RBFOX1: variants seen among roughly 807,000 people sequenced by gnomAD.
RBFOX1 encodes RNA binding protein fox-1 homolog 1.
Under a neutral mutation model 57.7 loss-of-function variants are expected in RBFOX1, and 8 were observed. The ratio of observed to expected loss-of-function variants is 0.14; its 90% confidence interval spans 0.08 to 0.25. RBFOX1 has a LOEUF of 0.25. RBFOX1 is among the 10% of genes least tolerant of loss of function. The pLI, the probability that RBFOX1 is intolerant of heterozygous loss-of-function variation, is 1.00. For synonymous variants in RBFOX1, 326 were observed against 222.4 expected (o/e 1.47, Z -4.15); for missense variants, 611 against 548.5 (o/e 1.11, Z -1.14).
chr16:5,359,586 T>A (rs2065486339), intron 1 of RBFOX1, among the ~76,000 whole-genome samples: 1 of 152,256 alleles, frequency 6.6e-6, no homozygotes. Context: ...TCTTTTCATA[T>A]GCCTGTTTGT....
chr16:7,510,511 G>GTGT (rs1567589181), intron 4 of RBFOX1, among the ~76,000 whole-genome samples: 43 of 150,018 alleles, frequency 2.9e-4, no homozygotes, highest in African/African-American at 7.2e-4. Flanking sequence ...GTGTGTGTGT[G>GTGT]GGCGCGCGCG....
At chr16:6,703,782 T>G (rs1177329756) in intron 3 of RBFOX1, 4 of 152,244 alleles carry the variant, frequency 2.6e-5, no homozygotes, top group Non-Finnish European at 5.9e-5. Context: ...AATCCACATC[T>G]GTCCAACCCA....
chr16:5,680,227 G>A (rs2050290200), intron 3 of RBFOX1, among the ~76,000 whole-genome samples: 1 of 152,168 alleles, frequency 6.6e-6, no homozygotes, highest in African/African-American at 2.4e-5. Context: ...TTCACGATTT[G>A]GGTGCAGTGT....
chr16:5,988,587 T>C (rs2152316959), intron 4 of RBFOX1, among the ~76,000 whole-genome samples: 1 of 152,218 alleles, frequency 6.6e-6, no homozygotes, highest in East Asian at 1.9e-4. Context: ...GGCATGAGCC[T>C]CCACTGGGAC....
At chr16:7,357,129 G>C (rs1276602084) in intron 4 of RBFOX1, among the ~76,000 whole-genome samples, 2 of 151,998 alleles carry the variant, frequency 1.3e-5, no homozygotes, top group African/African-American at 4.8e-5. Context: ...AAGAAACTGT[G>C]TGCTCGAGGT....
intron 4 of RBFOX1, among the ~76,000 whole-genome samples, chr16:7,273,205 C>CCTTA (rs2095368138): frequency 2.8e-5 from 1 of 35,606 alleles, no homozygotes; most frequent in African/African-American, 8.1e-5. Context: ...TTCCTCCCTC[C>CCTTA]CTTCCTTCCT....
chr16:7,071,205 T>G, intron 4 of RBFOX1, among the ~76,000 whole-genome samples: 1 of 152,164 alleles, frequency 6.6e-6, no homozygotes, highest in East Asian at 1.9e-4. Flanking sequence ...AGGAATTAGA[T>G]TATTCTAAAA....
At chr16:7,693,840 T>C (rs550362935) in intron 14 of RBFOX1, among the ~76,000 whole-genome samples, 1 of 152,184 alleles carries the variant, frequency 6.6e-6, no homozygotes, top group Non-Finnish European at 1.5e-5. Flanking sequence ...GAGAATATAA[T>C]TATCTCTGTC....
At position 7,491,057 on chromosome 16, in the gene RBFOX1, C is replaced by G. The variant is rs185857545; in HGVS notation, c.28-27090C>G. Among the ~76,000 whole-genome samples, 8 of 152,230 alleles carry G rather than the reference C, an allele frequency of 5.3e-5. No homozygotes were observed. In the East Asian group the frequency reaches 1.6e-3, roughly 30 times the overall value. ...TCAACTCCAGATTCTAAAGAGACAA[C>G]CAAATGGCTCACACTTCTTACCGTA... On this transcript the variant is annotated intron_variant, in intron 4 of 15. Coordinates refer to ENST00000550418, the MANE Select transcript of RBFOX1 (RefSeq NM_018723.4).
intron 4 of RBFOX1, among the ~76,000 whole-genome samples, chr16:7,156,316 A>G (rs1396016268): frequency 2.6e-5 from 4 of 152,068 alleles, no homozygotes; most frequent in Admixed American, 6.6e-5. Flanking sequence ...TTATACATAT[A>G]TAGACTTGCA....
At chr16:6,397,349 T>G (rs1332228386) in intron 2 of RBFOX1, among the ~76,000 whole-genome samples, 2 of 152,198 alleles carry the variant, frequency 1.3e-5, no homozygotes, top group Non-Finnish European at 2.9e-5. Context: ...GATGGTCAGC[T>G]TCTCATCAGA....
intron 3 of RBFOX1, among the ~76,000 whole-genome samples, chr16:5,830,483 G>T (rs2056226746): frequency 6.6e-6 from 1 of 152,092 alleles, no homozygotes; most frequent in African/African-American, 2.4e-5. Flanking sequence ...TAGAGGCCGG[G>T]ACTGTGGGGG....
intron 4 of RBFOX1, among the ~76,000 whole-genome samples, chr16:7,062,355 A>T (rs1840584048): frequency 6.6e-6 from 1 of 151,582 alleles, no homozygotes; most frequent in Non-Finnish European, 1.5e-5. Context: ...AAAAAAGGAA[A>T]AATGGTAATG....
chr16:5,365,395 C>G (rs1371227152), intron 1 of RBFOX1, among the ~76,000 whole-genome samples: 1 of 152,196 alleles, frequency 6.6e-6, no homozygotes, highest in African/African-American at 2.4e-5. Flanking sequence ...CGGCTAGGCA[C>G]AGTGTCTCAC....
chr16:6,727,944 C>G (rs374707329), intron 3 of RBFOX1, among the ~76,000 whole-genome samples: 1 of 152,136 alleles, frequency 6.6e-6, no homozygotes, highest in East Asian at 1.9e-4. Context: ...TACGTACGCA[C>G]AGAGATGAAG....
At chr16:6,000,494 T>C (rs2060578255) in intron 4 of RBFOX1, among the ~76,000 whole-genome samples, 1 of 152,156 alleles carries the variant, frequency 6.6e-6, no homozygotes, top group Non-Finnish European at 1.5e-5. Context: ...CGTGCATGCC[T>C]GTCTTGTGTC....
intron 3 of RBFOX1, among the ~76,000 whole-genome samples, chr16:5,657,295 T>A (rs1181593599): frequency 1.3e-5 from 2 of 152,206 alleles, no homozygotes; most frequent in Non-Finnish European, 2.9e-5. Context: ...TAATAATAGT[T>A]AATGTATAAA....
At chr16:5,753,546 C>T (rs2053288972) in intron 3 of RBFOX1, among the ~76,000 whole-genome samples, 1 of 152,156 alleles carries the variant, frequency 6.6e-6, no homozygotes, top group South Asian at 2.1e-4. Flanking sequence ...ACCTCTCCTC[C>T]AGTGGTGTGC....
At position 5,539,015 on chromosome 16, in the gene RBFOX1, G is replaced by C. The variant is rs899961008; in HGVS notation, c.259-59887G>C. Among the ~76,000 whole-genome samples, 4 of 152,068 alleles carry C rather than the reference G, an allele frequency of 2.6e-5. 1 individual carries two copies. Among genetic ancestry groups the C allele is most frequent in the South Asian group, 4.1e-4 (2 of 4,830 alleles). ...CCACACACAAGGATGGCTTTAGGAG[G>C]GTCCTTGAAAAAGAGGTTGGGAGAT... On this transcript the variant is annotated intron_variant, in intron 2 of 2. Coordinates refer to the RBFOX1 transcript ENST00000585867.
Sources: allele counts gnomAD v4.1 joint callset (sites outside exome capture counted in the v4.1 genomes callset), GRCh38; gene constraint gnomAD v4.1.1; transcripts MANE v1.5; gene names NCBI Gene and HGNC (gene_info 2026-07-23, HGNC 2026-07-21).